Variants in COLEC10 observed in about 807,000 individuals in gnomAD.
The protein encoded by COLEC10 is collectin subfamily member 10.
In COLEC10, 22 loss-of-function variants were observed where a neutral mutation model predicts 28.4. The ratio of observed to expected loss-of-function variants is 0.78; its 90% CI spans 0.55 to 1.11. COLEC10 has a LOEUF of 1.11. Among genes scored for constraint, COLEC10 ranks in the 50% least tolerant of loss-of-function variants. COLEC10 has a pLI of 0.00. For missense variants in COLEC10, 361 were observed against 344.1 expected (o/e 1.05, Z -0.39); for synonymous variants, 125 against 116.1 (o/e 1.08, Z -0.49).
chr8:118,989,135 T>C, the COLEC10 span, among the ~76,000 whole-genome samples: 1 of 152,048 alleles, frequency 6.6e-6, no homozygotes, highest in Non-Finnish European at 1.5e-5. Context: ...CGAGAACAGA[T>C]GAGTAATGTA....
chr8:119,032,853 G>A (rs1814316140), intron 2 of COLEC10, among the ~76,000 whole-genome samples: 1 of 152,234 alleles, frequency 6.6e-6, no homozygotes, highest in South Asian at 2.1e-4. Flanking sequence ...AGTGAGCTGA[G>A]ATCGCGCCTC....
At chr8:119,069,629 A>AAAT (rs1554627284) in intron 1 of COLEC10, among the ~76,000 whole-genome samples, 2 of 42,878 alleles carry the variant, frequency 4.7e-5, no homozygotes, top group African/African-American at 1.5e-4. Context: ...AAAAAAAAAA[A>AAAT]ATATATATAT....
At chr8:119,086,768 A>G (rs1225263782) in intron 1 of COLEC10, among the ~76,000 whole-genome samples, 1 of 152,222 alleles carries the variant, frequency 6.6e-6, no homozygotes, top group Non-Finnish European at 1.5e-5. Context: ...TTGATTCTCA[A>G]AGGGCTTCAC....
the COLEC10 span, among the ~76,000 whole-genome samples, chr8:118,969,534 C>A: frequency 1.3e-5 from 2 of 152,002 alleles, no homozygotes; most frequent in Admixed American, 1.3e-4. Context: ...TTTTCTGAAT[C>A]TTTCCTTCAG....
chr8:119,104,430 C>G (rs970280421), intron 5 of COLEC10, among the ~76,000 whole-genome samples: 1 of 152,088 alleles, frequency 6.6e-6, no homozygotes, highest in Non-Finnish European at 1.5e-5. Context: ...TCTGACTCCT[C>G]TATCCACAAT....
the COLEC10 span, among the ~76,000 whole-genome samples, chr8:118,963,797 C>A: frequency 3.8e-4 from 58 of 152,004 alleles, no homozygotes; most frequent in African/African-American, 1.3e-3. Context: ...CCTTTTTCAC[C>A]TTTGTATTCC....
intron 1 of COLEC10, among the ~76,000 whole-genome samples, chr8:119,004,503 C>T (rs1813753826): frequency 6.6e-6 from 1 of 151,458 alleles, no homozygotes; most frequent in Non-Finnish European, 1.5e-5. Context: ...CAGCCCAGGT[C>T]TCTCCCTTGA....
chr8:119,071,249 G>C lies in COLEC10; in HGVS notation c.148+3820G>C, dbSNP rs368214199. 7.2e-5 allele frequency among the ~76,000 whole-genome samples: 11 copies of C among 152,194 alleles called. No individual in the cohort carries two copies. In the South Asian group the frequency reaches 2.3e-3, roughly 32 times the overall value. On this transcript the variant is annotated intron_variant, in intron 1 of 5. Coordinates refer to ENST00000332843, the MANE Select transcript of COLEC10 (RefSeq NM_006438.5). ...ATCAACTTCATTACTTCATTAATTT[G>C]TTTGGAAATAATGTTATTTTACCCT...
intron 2 of COLEC10, among the ~76,000 whole-genome samples, chr8:119,032,601 C>G (rs1010317056): frequency 6.6e-6 from 1 of 152,110 alleles, no homozygotes; most frequent in African/African-American, 2.4e-5. Context: ...ATCTTGTTCT[C>G]TCATAAACAA....
intron 3 of COLEC10, among the ~76,000 whole-genome samples, chr8:119,095,139 G>A (rs1410308321): frequency 2.6e-5 from 4 of 152,066 alleles, no homozygotes; most frequent in Non-Finnish European, 5.9e-5. Context: ...TTTTTCAGAT[G>A]GCTTGACATA....
the COLEC10 span, among the ~76,000 whole-genome samples, chr8:118,965,987 A>C: frequency 6.6e-6 from 1 of 152,212 alleles, no homozygotes; most frequent in South Asian, 2.1e-4. Context: ...TAACATCAAG[A>C]GAGGTAGTGG....
the COLEC10 span, among the ~76,000 whole-genome samples, chr8:118,986,036 A>G: frequency 6.6e-6 from 1 of 152,254 alleles, no homozygotes; most frequent in South Asian, 2.1e-4. Flanking sequence ...AGGCTCCGTG[A>G]CAGACTCTCT....
At chr8:119,018,820 T>A (rs1212787104) in intron 2 of COLEC10, among the ~76,000 whole-genome samples, 5 of 152,260 alleles carry the variant, frequency 3.3e-5, no homozygotes, top group Non-Finnish European at 5.9e-5. Flanking sequence ...TCTGATTCCA[T>A]AGGTAGTAAA....
intron 2 of COLEC10, among the ~76,000 whole-genome samples, chr8:119,021,180 A>T (rs1814084755): frequency 1.3e-5 from 2 of 152,206 alleles, no homozygotes; most frequent in African/African-American, 4.8e-5. Flanking sequence ...AGCAGCCTCA[A>T]TTTAAATCTA....
chr8:118,963,479 CA>C, the COLEC10 span, among the ~76,000 whole-genome samples: 1 of 152,216 alleles, frequency 6.6e-6, no homozygotes, highest in Non-Finnish European at 1.5e-5. Flanking sequence ...TCTCTCGACA[CA>C]ACCTGTCTAC....
chr8:119,097,096 G>A (rs934817642), intron 3 of COLEC10, among the ~76,000 whole-genome samples: 5 of 152,098 alleles, frequency 3.3e-5, no homozygotes, highest in Admixed American at 1.3e-4. Flanking sequence ...TTGTAACACA[G>A]TTCTAAGTCA....
At chr8:119,042,382 C>T (rs1277216651) in intron 2 of COLEC10, among the ~76,000 whole-genome samples, 2 of 149,038 alleles carry the variant, frequency 1.3e-5, no homozygotes, top group Admixed American at 6.8e-5. Flanking sequence ...ATTTTTGTTT[C>T]TCTAAGCTTT....
intron 1 of COLEC10, among the ~76,000 whole-genome samples, chr8:119,069,063 T>C (rs930890857): frequency 2.0e-5 from 3 of 152,170 alleles, no homozygotes; most frequent in African/African-American, 7.2e-5. Flanking sequence ...TCATGTTAGA[T>C]GCTAGGGGTT....
chr8:119,039,143 C>G (rs1433954810), intron 2 of COLEC10, among the ~76,000 whole-genome samples: 3 of 152,096 alleles, frequency 2.0e-5, no homozygotes, highest in Admixed American at 2.0e-4. Flanking sequence ...GCAGAACCTT[C>G]ATTTGGGGGT....
Sources: gnomAD v4.1 joint callset for allele counts (sites outside exome capture counted in the v4.1 genomes callset) on GRCh38, gnomAD v4.1.1 for gene constraint, MANE v1.5 for transcripts, NCBI Gene and HGNC (gene_info 2026-07-23, HGNC 2026-07-21) for gene names.